SULT4A1: variants seen among roughly 807,000 people sequenced by gnomAD.
SULT4A1 encodes the protein sulfotransferase family 4A member 1.
Under a neutral mutation model 35.2 loss-of-function variants are expected in SULT4A1, and 11 were observed. The ratio of observed to expected loss-of-function variants is 0.31; its 90% CI spans 0.20 to 0.52. The LOEUF (loss-of-function observed/expected upper bound fraction) is 0.52. Ranked by LOEUF, SULT4A1 falls within the 20% of genes least tolerant of loss-of-function variation. SULT4A1 has a pLI of 0.97. For synonymous variants in SULT4A1, 152 were observed against 151.8 expected (o/e 1.00, Z -0.01); for missense variants, 271 against 383.7 (o/e 0.71, Z 2.45).
At chr22:43,830,231 C>G (rs1469250037) in intron 5 of SULT4A1, among the ~76,000 whole-genome samples, 1 of 152,166 alleles carries the variant, frequency 6.6e-6, no homozygotes, top group African/African-American at 2.4e-5. Context: ...GCCCTGCCAC[C>G]AAGAACTCCA....
At chr22:43,842,088 C>A (rs1470885581) in intron 1 of SULT4A1, among the ~76,000 whole-genome samples, 156 bp from the exon 2 acceptor site, 2 of 152,228 alleles carry the variant, frequency 1.3e-5, no homozygotes, top group African/African-American at 2.4e-5. Flanking sequence ...CCCGCACGGT[C>A]TCAGCCTGAA....
intron 1 of SULT4A1, among the ~76,000 whole-genome samples, chr22:43,853,477 C>T (rs533753575): frequency 1.5e-3 from 225 of 152,306 alleles, no homozygotes; most frequent in Admixed American, 6.1e-3. Flanking sequence ...GGATGCAGAG[C>T]GGAAACAGGC....
chr22:43,861,520 C>A (rs1185614391), intron 1 of SULT4A1, among the ~76,000 whole-genome samples: 2 of 152,326 alleles, frequency 1.3e-5, no homozygotes, highest in East Asian at 3.9e-4. Context: ...GCCTCTTCCC[C>A]TCTCTGAGCC....
rs943313477 is a variant in SULT4A1 at position 43,843,415 on chromosome 22, C to A, written c.170-1483G>T. On this transcript the variant is annotated intron_variant, in intron 1 of 6. Coordinates refer to ENST00000330884, the MANE Select transcript of SULT4A1 (RefSeq NM_014351.4). Reference sequence around the variant, plus strand: ...CCAGCCTGGGCAACAGAGTGAGAATCTATCTCAAAAAACAAAAAGAAAAAT... The same window carrying A: ...CCAGCCTGGGCAACAGAGTGAGAATATATCTCAAAAAACAAAAAGAAAAAT... Among the ~76,000 whole-genome samples the A allele has an allele frequency of 7.9e-5, 12 of 152,314 alleles. No individual in the cohort carries two copies. The South Asian group carries it at 1.9e-3, about 24-fold the overall frequency.
chr22:43,845,715 G>C (rs990450737), intron 1 of SULT4A1, among the ~76,000 whole-genome samples: 1 of 152,140 alleles, frequency 6.6e-6, no homozygotes, highest in Non-Finnish European at 1.5e-5. Flanking sequence ...GGCGAGCACT[G>C]GGCGGGAAAG....
At chr22:43,832,501 C>A (rs1796388395) in intron 5 of SULT4A1, among the ~76,000 whole-genome samples, 1 of 152,138 alleles carries the variant, frequency 6.6e-6, no homozygotes, top group Admixed American at 6.5e-5. Context: ...TGACCACAGG[C>A]CCCAGTGTGT....
chr22:43,850,562 C>T (rs7288078), intron 1 of SULT4A1, among the ~76,000 whole-genome samples: 2,351 of 152,314 alleles, frequency 0.015, 62 homozygotes, highest in African/African-American at 0.054. Context: ...GGTGTTCGCT[C>T]GATCCTGTTT....
chr22:43,849,253 C>T (rs1161002871), intron 1 of SULT4A1, among the ~76,000 whole-genome samples: 2 of 152,188 alleles, frequency 1.3e-5, no homozygotes, highest in Non-Finnish European at 2.9e-5. Flanking sequence ...TTTTCACTCA[C>T]AGGATTCACC....
intron 1 of SULT4A1, among the ~76,000 whole-genome samples, chr22:43,847,321 ACCC>A (rs34388900): frequency 5.3e-5 from 8 of 152,200 alleles, no homozygotes; most frequent in Admixed American, 1.3e-4. Flanking sequence ...CTGGTCACTT[ACCC>A]CATTCCAGGC....
intron 1 of SULT4A1, among the ~76,000 whole-genome samples, chr22:43,855,601 C>T (rs945689754): frequency 6.6e-6 from 1 of 152,136 alleles, no homozygotes; most frequent in African/African-American, 2.4e-5. Context: ...ATGGGCCCTC[C>T]ACTCTCCTCT....
chr22:43,847,092 C>A (rs1175343500), intron 1 of SULT4A1, among the ~76,000 whole-genome samples: 1 of 152,092 alleles, frequency 6.6e-6, no homozygotes, highest in Non-Finnish European at 1.5e-5. Context: ...CCCTTCTCTC[C>A]AGCCTGCCAC....
chr22:43,829,371 G>A (rs1288790067), intron 5 of SULT4A1, among the ~76,000 whole-genome samples, 173 bp from the exon 6 acceptor site: 7 of 152,190 alleles, frequency 4.6e-5, no homozygotes, highest in South Asian at 2.1e-4. Flanking sequence ...TTAAGAAATC[G>A]CCCAAGTGTG....
chr22:43,856,253 C>T (rs529820899), intron 1 of SULT4A1, among the ~76,000 whole-genome samples: 4 of 152,246 alleles, frequency 2.6e-5, no homozygotes, highest in South Asian at 4.1e-4. Context: ...GTGTCACCTC[C>T]CAGGGCACTG....
At chr22:43,831,081 G>A (rs144131765) in intron 5 of SULT4A1, among the ~76,000 whole-genome samples, 5 of 152,152 alleles carry the variant, frequency 3.3e-5, no homozygotes, top group Admixed American at 6.5e-5. Context: ...CACTGACCCC[G>A]GCAGCTCTTA....
At chr22:43,831,655 C>T (rs1235641156) in intron 5 of SULT4A1, among the ~76,000 whole-genome samples, 3 of 152,260 alleles carry the variant, frequency 2.0e-5, no homozygotes, top group Non-Finnish European at 4.4e-5. Context: ...CTCCGCGCCA[C>T]GCAGGTGGAG....
intron 2 of SULT4A1, among the ~76,000 whole-genome samples, chr22:43,840,829 C>T (rs2063421049): frequency 6.6e-6 from 1 of 152,252 alleles, no homozygotes; most frequent in Non-Finnish European, 1.5e-5. Flanking sequence ...CTGCAACCCC[C>T]AGGCTTGCCT....
chr22:43,829,546 C>T (rs2063310617), intron 5 of SULT4A1, among the ~76,000 whole-genome samples: 1 of 152,234 alleles, frequency 6.6e-6, no homozygotes, highest in Non-Finnish European at 1.5e-5. Flanking sequence ...TAATGGGCTC[C>T]TCTTTCCCTT....
At chr22:43,859,948 T>C (rs2269606) in intron 1 of SULT4A1, among the ~76,000 whole-genome samples, 28,751 of 152,166 alleles carry the variant, frequency 0.19, 3,583 homozygotes, top group East Asian at 0.47. Flanking sequence ...TAAGCTAGAA[T>C]GTCGCAAGCA....
intron 1 of SULT4A1, among the ~76,000 whole-genome samples, chr22:43,857,154 G>A (rs56392301): frequency 6.6e-6 from 1 of 152,266 alleles, no homozygotes; most frequent in African/African-American, 2.4e-5. Context: ...GAATGCTTCT[G>A]ACAGCTCATC....
Sources: allele counts gnomAD v4.1 joint callset (sites outside exome capture counted in the v4.1 genomes callset), GRCh38; gene constraint gnomAD v4.1.1; transcripts MANE v1.5; gene names NCBI Gene and HGNC (gene_info 2026-07-23, HGNC 2026-07-21).